The following CADM2 variants were observed in gnomAD, a reference collection of about 807,000 sequenced individuals.
CADM2 encodes cell adhesion molecule 2, also known as immunoglobulin superfamily member 4D.
In CADM2, 12 loss-of-function variants were observed where a neutral mutation model predicts 49.8. That is an observed-to-expected ratio of 0.24 (90% CI 0.15 to 0.39). The LOEUF is 0.39. Ranked by LOEUF, CADM2 falls within the 10% of genes least tolerant of loss-of-function variation. CADM2 has a pLI of 1.00. For missense variants in CADM2, 378 were observed against 492.3 expected (o/e 0.77, Z 2.20); for synonymous variants, 214 against 175.4 (o/e 1.22, Z -1.74).
intron 3 of CADM2, among the ~76,000 whole-genome samples, chr3:85,846,771 A>C (rs2074900395): frequency 6.6e-6 from 1 of 152,096 alleles, no homozygotes; most frequent in Non-Finnish European, 1.5e-5. Flanking sequence ...CTGAGGCAGG[A>C]GGATTGTTTG....
chr3:85,549,285 T>G (rs1298000484), intron 1 of CADM2, among the ~76,000 whole-genome samples: 1 of 152,074 alleles, frequency 6.6e-6, no homozygotes, highest in East Asian at 1.9e-4. Context: ...GAATATAAAC[T>G]AATATTAAGA....
chr3:86,040,215 A>G (rs148091379), intron 8 of CADM2, among the ~76,000 whole-genome samples: 5,189 of 152,258 alleles, frequency 0.034, 173 homozygotes, highest in African/African-American at 0.083. Context: ...CACCAGCAAC[A>G]GAACAAAGTA....
rs1307248047 is a variant in CADM2, at chr3:86,066,833, A to T, written c.*50A>T. On this transcript the variant is annotated 3_prime_UTR_variant, in exon 10 of 10. Coordinates refer to ENST00000383699, the MANE Select transcript of CADM2 (RefSeq NM_001167675.2). ...TACTACCAGGCTGAATGCTGGAGAA[A>T]ACTGGCTATCATCTTTCAGAAGTCA... 6 of 1,260,540 alleles carry T rather than the reference A, an allele frequency of 4.8e-6. No homozygotes were observed. Among genetic ancestry groups the T allele is most frequent in the Non-Finnish European group, 7.0e-6 (6 of 859,962 alleles). The allele number at this position is 1,260,540 out of a possible 1,614,324, so 78.1% of individuals were successfully genotyped here.
At chr3:85,681,002 T>C (rs2066027012) in intron 1 of CADM2, among the ~76,000 whole-genome samples, 1 of 152,184 alleles carries the variant, frequency 6.6e-6, no homozygotes, top group Admixed American at 6.5e-5. Context: ...ATACTGTTCT[T>C]TGATTTTCAT....
intron 8 of CADM2, among the ~76,000 whole-genome samples, chr3:86,006,187 G>C (rs1250594432): frequency 6.6e-6 from 1 of 152,124 alleles, no homozygotes; most frequent in African/African-American, 2.4e-5. Flanking sequence ...AAAGGACCAG[G>C]AATTATTTTA....
intron 1 of CADM2, among the ~76,000 whole-genome samples, chr3:85,107,361 C>A (rs1465811033): frequency 6.6e-6 from 1 of 152,048 alleles, no homozygotes; most frequent in East Asian, 1.9e-4. Flanking sequence ...GGATGGTCAC[C>A]ATCACCAGTC....
At chr3:85,195,432 C>T (rs2041318764) in intron 1 of CADM2, among the ~76,000 whole-genome samples, 1 of 151,978 alleles carries the variant, frequency 6.6e-6, no homozygotes, top group East Asian at 1.9e-4. Context: ...TACTATGAAA[C>T]CTCTGTGTCT....
intron 1 of CADM2, among the ~76,000 whole-genome samples, chr3:85,140,505 C>G (rs2039545681): frequency 6.6e-6 from 1 of 152,150 alleles, no homozygotes; most frequent in Admixed American, 6.5e-5. Context: ...GCTAGATTCT[C>G]AAATACCTTT....
At chr3:85,320,762 A>T (rs1269046219) in intron 1 of CADM2, among the ~76,000 whole-genome samples, 1 of 151,988 alleles carries the variant, frequency 6.6e-6, no homozygotes, top group East Asian at 1.9e-4. Context: ...GTTTTCTGTA[A>T]CTTCCTTTTG....
At chr3:85,244,665 G>A (rs2107843589) in intron 1 of CADM2, among the ~76,000 whole-genome samples, 1 of 152,208 alleles carries the variant, frequency 6.6e-6, no homozygotes, top group Non-Finnish European at 1.5e-5. Context: ...CCTCTCCACT[G>A]AAGGCTGCTA....
intron 1 of CADM2, among the ~76,000 whole-genome samples, chr3:85,240,335 T>C (rs1310413121): frequency 2.0e-5 from 3 of 151,556 alleles, no homozygotes; most frequent in Non-Finnish European, 4.4e-5. Context: ...GATAATGCTA[T>C]TTATTTTATT....
At chr3:85,453,870 A>G (rs1310352416) in intron 1 of CADM2, among the ~76,000 whole-genome samples, 1 of 152,150 alleles carries the variant, frequency 6.6e-6, no homozygotes, top group Admixed American at 6.5e-5. Flanking sequence ...GATGATTAGT[A>G]TTTTACTCAC....
At chr3:85,920,562 A>T (rs1718970587) in intron 6 of CADM2, among the ~76,000 whole-genome samples, 1 of 151,816 alleles carries the variant, frequency 6.6e-6, no homozygotes, top group Admixed American at 6.6e-5. Context: ...ATTCTAAAAA[A>T]TTTTTAATTT....
intron 1 of CADM2, among the ~76,000 whole-genome samples, chr3:85,096,386 CT>C (rs1165018499): frequency 6.6e-6 from 1 of 150,696 alleles, no homozygotes; most frequent in Admixed American, 6.6e-5. Flanking sequence ...TTTGTTCTTC[CT>C]TAAAATGTAC....
At chr3:85,746,581 A>G (rs1445425891) in intron 2 of CADM2, among the ~76,000 whole-genome samples, 1 of 151,786 alleles carries the variant, frequency 6.6e-6, no homozygotes, top group Non-Finnish European at 1.5e-5. Flanking sequence ...TATTTTCCTC[A>G]TATCTTTCAT....
intron 1 of CADM2, among the ~76,000 whole-genome samples, chr3:85,570,270 C>T (rs73843659): frequency 0.011 from 1,662 of 152,146 alleles, 34 homozygotes; most frequent in African/African-American, 0.038. Context: ...ATGATCCCAA[C>T]AGAAGCTTAA....
At chr3:85,238,924 C>T (rs2042468796) in intron 1 of CADM2, among the ~76,000 whole-genome samples, 1 of 151,366 alleles carries the variant, frequency 6.6e-6, no homozygotes, top group Admixed American at 6.6e-5. Context: ...ACAAACTAAC[C>T]ATTATCTTTC....
At chr3:85,201,006 A>G (rs992279062) in intron 1 of CADM2, among the ~76,000 whole-genome samples, 6 of 152,156 alleles carry the variant, frequency 3.9e-5, no homozygotes, top group Non-Finnish European at 8.8e-5. Flanking sequence ...TTTTCTTATC[A>G]ATATCCCTGT....
intron 1 of CADM2, among the ~76,000 whole-genome samples, chr3:85,075,691 C>T (rs2036916238): frequency 6.6e-6 from 1 of 152,076 alleles, no homozygotes; most frequent in Admixed American, 6.5e-5. Context: ...GACCTGATTT[C>T]TGATCAGGAA....
Sources: gnomAD v4.1 joint callset for allele counts (sites outside exome capture counted in the v4.1 genomes callset) on GRCh38, gnomAD v4.1.1 for gene constraint, MANE v1.5 for transcripts, NCBI Gene and HGNC (gene_info 2026-07-23, HGNC 2026-07-21) for gene names.